PDGFRL: variants seen among roughly 807,000 people sequenced by gnomAD.
PDGFRL encodes platelet-derived growth factor receptor-like protein.
PDGFRL carries 46 observed loss-of-function variants against 37.2 expected under a neutral mutation model. The ratio of observed to expected loss-of-function variants is 1.24; its 90% CI spans 0.98 to 1.58. The LOEUF is 1.58. Ranked by LOEUF, PDGFRL falls within the 40% of genes most tolerant of loss-of-function variation. The pLI is 0.00. For missense variants in PDGFRL, 692 were observed against 467.6 expected, an observed-to-expected ratio of 1.48 and a Z score of -4.43; for synonymous variants, 251 against 184.3, an observed-to-expected ratio of 1.36 and a Z score of -2.93.
intron 2 of PDGFRL, among the ~76,000 whole-genome samples, chr8:17,602,444 C>T (rs892972890): frequency 1.3e-5 from 2 of 152,120 alleles, no homozygotes; most frequent in Non-Finnish European, 2.9e-5. Context: ...CACTCTCGGT[C>T]TGATGGAGGT....
intron 3 of PDGFRL, among the ~76,000 whole-genome samples, chr8:17,623,573 CTAT>C (rs1804676044): frequency 6.6e-6 from 1 of 152,124 alleles, no homozygotes; most frequent in Non-Finnish European, 1.5e-5. Context: ...GCAGAATATC[CTAT>C]TAATATTATG....
At chr8:17,633,482 C>T (rs1375433541) in intron 4 of PDGFRL, among the ~76,000 whole-genome samples, 1 of 152,140 alleles carries the variant, frequency 6.6e-6, no homozygotes, top group Admixed American at 6.6e-5. Context: ...GAGCCGAGAT[C>T]GCGCAGCTGC....
chr8:17,633,825 C>G (rs1410482254), intron 4 of PDGFRL, among the ~76,000 whole-genome samples: 1 of 152,178 alleles, frequency 6.6e-6, no homozygotes, highest in African/African-American at 2.4e-5. Context: ...GCTTCCTCTC[C>G]TAATCACAGT....
intron 3 of PDGFRL, among the ~76,000 whole-genome samples, chr8:17,628,167 G>GTT (rs140805340): frequency 3.3e-4 from 49 of 149,270 alleles, no homozygotes; most frequent in Non-Finnish European, 2.5e-4. Context: ...CTCATTTTTT[G>GTT]TTTTTTTTAG....
intron 2 of PDGFRL, among the ~76,000 whole-genome samples, chr8:17,611,687 G>A (rs895969828): frequency 8.5e-5 from 13 of 152,218 alleles, no homozygotes; most frequent in African/African-American, 3.1e-4. Context: ...GGAATACCAG[G>A]CAGAGGTGGT....
chr8:17,609,084 T>C lies in PDGFRL; in HGVS notation c.354-11967T>C, dbSNP rs540798195. On this transcript the variant is annotated intron_variant, in intron 2 of 5. Coordinates refer to ENST00000251630, the MANE Select transcript of PDGFRL (RefSeq NM_001372073.1). ...ACAAACAAAAAGTTTTAGCTGGATA[T>C]AGTGCTACACCCTGTGGTCCTGGCT... 6.6e-5 allele frequency among the ~76,000 whole-genome samples: 10 copies of C among 152,276 alleles called. No individual in the cohort carries two copies. In the South Asian group the frequency reaches 8.3e-4, roughly 13 times the overall value.
intron 2 of PDGFRL, among the ~76,000 whole-genome samples, chr8:17,609,599 C>G (rs942747784): frequency 7.4e-6 from 1 of 134,718 alleles, no homozygotes; most frequent in African/African-American, 2.8e-5. Flanking sequence ...GATCACGCCA[C>G]TGCACTCCAG....
intron 2 of PDGFRL, among the ~76,000 whole-genome samples, chr8:17,607,869 C>G (rs1804316625): frequency 6.6e-6 from 1 of 152,220 alleles, no homozygotes; most frequent in Admixed American, 6.5e-5. Flanking sequence ...TTTATGTCCA[C>G]TAGTGTATAA....
intron 4 of PDGFRL, among the ~76,000 whole-genome samples, chr8:17,629,506 T>A (rs1250173995): frequency 6.6e-6 from 1 of 152,118 alleles, no homozygotes; most frequent in African/African-American, 2.4e-5. Flanking sequence ...CTTGTACCCA[T>A]TGCCACCTGC....
At chr8:17,588,162 T>C (rs1433234664) in intron 1 of PDGFRL, among the ~76,000 whole-genome samples, 1 of 152,160 alleles carries the variant, frequency 6.6e-6, no homozygotes, top group African/African-American at 2.4e-5. Context: ...TCAACAATGT[T>C]GGTGATAAAA....
intron 2 of PDGFRL, among the ~76,000 whole-genome samples, chr8:17,604,713 T>G (rs7829987): frequency 0.13 from 19,305 of 152,122 alleles, 1,211 homozygotes; most frequent in South Asian, 0.16. Context: ...CATGCACATG[T>G]ACTCTAAAAC....
intron 5 of PDGFRL, among the ~76,000 whole-genome samples, chr8:17,636,512 G>A (rs1298544052): frequency 4.0e-5 from 6 of 151,348 alleles, no homozygotes; most frequent in African/African-American, 1.5e-4. Context: ...TGGTGACTAT[G>A]GCCTTATAGT....
rs1014016227 is a variant in PDGFRL at position 17,580,702 on chromosome 8, C to T, written c.55+3395C>T. Among the ~76,000 whole-genome samples, 6 of 152,248 alleles carry T rather than the reference C, an allele frequency of 3.9e-5. 1 individual carries two copies. The South Asian group carries it at 1.2e-3, about 32-fold the overall frequency. Reference sequence around the variant, plus strand: ...TCCTAGGGCTGCCATAACAAAGTACCACGGAATGGGAGGCTTTAAAACCGC... The same window carrying T: ...TCCTAGGGCTGCCATAACAAAGTACTACGGAATGGGAGGCTTTAAAACCGC... On this transcript the variant is annotated intron_variant, in intron 1 of 5. Transcript: ENST00000251630.
intron 5 of PDGFRL, among the ~76,000 whole-genome samples, chr8:17,640,957 G>A (rs1805079175): frequency 6.6e-6 from 1 of 152,040 alleles, no homozygotes; most frequent in Non-Finnish European, 1.5e-5. Context: ...TATGGCTGCT[G>A]TTGGGACTGG....
At chr8:17,629,519 A>G (rs1023351787) in intron 4 of PDGFRL, among the ~76,000 whole-genome samples, 7 of 151,920 alleles carry the variant, frequency 4.6e-5, no homozygotes, top group Admixed American at 2.0e-4. Context: ...CCACCTGCCA[A>G]CCCTCATTCT....
Position 17,593,712 on chromosome 8 carries a change from C to T in PDGFRL, c.353+3947C>T, listed in dbSNP as rs1306974381. 7.9e-5 allele frequency among the ~76,000 whole-genome samples: 12 copies of T among 151,728 alleles called. No homozygotes were observed. The East Asian group carries it at 1.6e-3, about 20-fold the overall frequency. On this transcript the variant is annotated intron_variant, in intron 2 of 5. Coordinates refer to ENST00000251630, the MANE Select transcript of PDGFRL (RefSeq NM_001372073.1). ...GAGTTCGAGACCAGCCTGACCAACA[C>T]AGCGAAACCCCGTCTCTACTAAAAA...
chr8:17,619,987 G>A (rs1255050347), intron 2 of PDGFRL, among the ~76,000 whole-genome samples: 1 of 152,152 alleles, frequency 6.6e-6, no homozygotes, highest in Non-Finnish European at 1.5e-5. Flanking sequence ...TTTAGAGACA[G>A]GGTCTTGCTC....
At position 17,621,172 on chromosome 8, in the gene PDGFRL, A is replaced by G. The variant is rs1804623722; in HGVS notation, c.475A>G (p.Lys159Glu). The G allele has an allele frequency of 1.2e-6, 2 of 1,609,986 alleles. No individual in the cohort carries two copies. The highest frequency in any genetic ancestry group is 1.7e-5 in the Admixed American group (1 of 59,732). ...SGYICRKDEAKTGSTYIFFTE... is the reference protein window; with the variant it reads ...SGYICRKDEAETGSTYIFFTE... ...CTACATCTGCAGGAAGGACGAGGCC[A>G]AAACGGGCTCCACCTACATCTTTTT... The change falls in exon 3 of 6, where the codon AAA (lysine) becomes GAA (glutamate). Residue 159 changes from lysine to glutamate, a missense_variant. Physicochemically the swap from Lys to Glu is moderately conservative, Grantham distance 56. Transcript: ENST00000251630.
chr8:17,603,807 A>T (rs538118918), intron 2 of PDGFRL, among the ~76,000 whole-genome samples: 1 of 152,324 alleles, frequency 6.6e-6, no homozygotes, highest in Non-Finnish European at 1.5e-5. Context: ...GTGCCTTGCT[A>T]ACCGAAGTAT....
Sources: allele counts gnomAD v4.1 joint callset (sites outside exome capture counted in the v4.1 genomes callset), GRCh38; gene constraint gnomAD v4.1.1; transcripts MANE v1.5; gene names NCBI Gene and HGNC (gene_info 2026-07-23, HGNC 2026-07-21).